The following FSTL4 variants were observed in gnomAD, a reference collection of about 807,000 sequenced individuals.
FSTL4 encodes the protein follistatin-related protein 4.
A neutral mutation model predicts 78.2 loss-of-function variants in FSTL4; 28 were observed. The ratio of observed to expected loss-of-function variants is 0.36; its 90% CI spans 0.27 to 0.49. FSTL4 has a LOEUF of 0.49. FSTL4 is among the 20% of genes least tolerant of loss of function. The pLI, the probability that FSTL4 is intolerant of heterozygous loss-of-function variation, is 0.98. For missense variants in FSTL4, 922 were observed against 1,084.9 expected (o/e 0.85, Z 2.11); for synonymous variants, 422 against 440.5 (o/e 0.96, Z 0.53).
intron 3 of FSTL4, among the ~76,000 whole-genome samples, chr5:133,410,159 A>G (rs1224151264): frequency 6.6e-6 from 1 of 152,232 alleles, no homozygotes. Context: ...TGTCAAGTAC[A>G]ATACGATTTC....
intron 4 of FSTL4, among the ~76,000 whole-genome samples, chr5:133,325,731 T>A (rs969030029): frequency 1.8e-4 from 28 of 152,078 alleles, no homozygotes; most frequent in African/African-American, 6.3e-4. Context: ...GTCACTGGGC[T>A]CCAGCCCCTC....
intron 3 of FSTL4, among the ~76,000 whole-genome samples, chr5:133,566,632 T>C (rs935745231): frequency 6.6e-6 from 1 of 152,208 alleles, no homozygotes; most frequent in Non-Finnish European, 1.5e-5. Flanking sequence ...GTAACACCCA[T>C]ATATGTTTAC....
chr5:133,217,402 A>G lies in FSTL4; in HGVS notation c.1459-24T>C, dbSNP rs1268001149. On this transcript the variant is annotated intron_variant, in intron 12 of 15. Transcript: ENST00000265342. Reference sequence around the variant, plus strand: ...TCCTGCAAAGGAGATAGGCTGTCATATATCTTCTTAATTGCCCTTTCCCTC... The same window carrying G: ...TCCTGCAAAGGAGATAGGCTGTCATGTATCTTCTTAATTGCCCTTTCCCTC... The G allele has an allele frequency of 3.1e-6, 5 of 1,610,920 alleles. No homozygotes were observed. The African/African-American group carries it at 5.3e-5, about 17-fold the overall frequency.
the FSTL4 span, among the ~76,000 whole-genome samples, chr5:133,799,577 C>G: frequency 7.2e-6 from 1 of 138,656 alleles, no homozygotes. Flanking sequence ...CCCACTCAGA[C>G]TCAGAGACAT....
chr5:133,652,508 C>G, the FSTL4 span, among the ~76,000 whole-genome samples: 1 of 152,058 alleles, frequency 6.6e-6, no homozygotes, highest in African/African-American at 2.4e-5. Flanking sequence ...TTCTTTGACC[C>G]ATATGTTATT....
intron 7 of FSTL4, among the ~76,000 whole-genome samples, chr5:133,242,460 T>C (rs1322321407): frequency 1.3e-5 from 2 of 152,164 alleles, no homozygotes; most frequent in Non-Finnish European, 2.9e-5. Context: ...AGAACCTTCC[T>C]GTGGGACCCT....
chr5:133,744,575 T>G, the FSTL4 span, among the ~76,000 whole-genome samples: 1 of 152,168 alleles, frequency 6.6e-6, no homozygotes, highest in African/African-American at 2.4e-5. Flanking sequence ...ATCTCTTTGC[T>G]CCGGTGGAAA....
At chr5:133,671,193 A>G in the FSTL4 span, among the ~76,000 whole-genome samples, 2 of 152,188 alleles carry the variant, frequency 1.3e-5, no homozygotes, top group South Asian at 4.1e-4. Context: ...CCTTGATGAC[A>G]GACAGCTGAT....
chr5:133,573,616 C>A (rs529997055), intron 2 of FSTL4, among the ~76,000 whole-genome samples: 1 of 152,174 alleles, frequency 6.6e-6, no homozygotes, highest in South Asian at 2.1e-4. Flanking sequence ...TTTTAACCCA[C>A]AATAATGGTT....
In FSTL4 at chr5:133,379,380, C is replaced by T. The variant is rs940326746; in HGVS notation, c.409+21358G>A. On this transcript the variant is annotated intron_variant, in intron 4 of 15. Coordinates refer to ENST00000265342, the MANE Select transcript of FSTL4 (RefSeq NM_015082.2). The stretch of plus-strand genomic sequence containing the variant: ...GATCAACAAGAAAATAAAAGACTGA[C>T]AAAACTATGATACAACTAAACCTAC... 2.6e-5 allele frequency among the ~76,000 whole-genome samples: 4 copies of T among 151,838 alleles called. No homozygotes were observed. The East Asian group carries it at 5.8e-4, about 22-fold the overall frequency.
chr5:133,307,398 A>G (rs576149679), intron 6 of FSTL4, among the ~76,000 whole-genome samples: 1 of 152,318 alleles, frequency 6.6e-6, no homozygotes, highest in Non-Finnish European at 1.5e-5. Context: ...AATGCATGAG[A>G]AAGTTCTAGA....
At chr5:133,702,393 G>A in the FSTL4 span, among the ~76,000 whole-genome samples, 1 of 152,250 alleles carries the variant, frequency 6.6e-6, no homozygotes, top group East Asian at 1.9e-4. Context: ...CTGGACAAAT[G>A]AGCCAATAAC....
chr5:133,690,892 C>A, the FSTL4 span, among the ~76,000 whole-genome samples: 1 of 152,180 alleles, frequency 6.6e-6, no homozygotes. Flanking sequence ...AGAACAAGCC[C>A]TCCTTTGCTG....
chr5:133,315,790 G>A (rs1284159818), intron 5 of FSTL4, among the ~76,000 whole-genome samples: 1 of 152,148 alleles, frequency 6.6e-6, no homozygotes, highest in Non-Finnish European at 1.5e-5. Context: ...GGACCCTACA[G>A]GCTCCTCCCT....
At chr5:133,276,647 C>T (rs189902402) in intron 6 of FSTL4, among the ~76,000 whole-genome samples, 2 of 152,314 alleles carry the variant, frequency 1.3e-5, no homozygotes, top group Admixed American at 1.3e-4. Context: ...ACTCTTATAA[C>T]AGGAGCATGT....
chr5:133,553,495 G>T (rs1046106191), intron 3 of FSTL4, among the ~76,000 whole-genome samples: 2 of 152,130 alleles, frequency 1.3e-5, no homozygotes, highest in African/African-American at 2.4e-5. Flanking sequence ...GTACAGTGAG[G>T]TCAATAAATA....
chr5:133,473,874 T>A (rs1223545503), intron 3 of FSTL4, among the ~76,000 whole-genome samples: 1 of 152,130 alleles, frequency 6.6e-6, no homozygotes, highest in East Asian at 1.9e-4. Context: ...CATCAGATCT[T>A]GTGCGAACTC....
intron 4 of FSTL4, among the ~76,000 whole-genome samples, chr5:133,389,377 T>G (rs1307158971): frequency 1.3e-5 from 2 of 152,158 alleles, no homozygotes. Context: ...GGGTCTTAAC[T>G]TCCCTGTAAC....
the FSTL4 span, among the ~76,000 whole-genome samples, chr5:133,664,272 C>T: frequency 8.6e-5 from 13 of 151,852 alleles, no homozygotes; most frequent in African/African-American, 3.1e-4. Flanking sequence ...GGCGGCAGAC[C>T]CTGATCTGGA....
Sources: allele counts gnomAD v4.1 joint callset (sites outside exome capture counted in the v4.1 genomes callset), GRCh38; gene constraint gnomAD v4.1.1; transcripts MANE v1.5; gene names NCBI Gene and HGNC (gene_info 2026-07-23, HGNC 2026-07-21).